Variants in ZNF407 observed in about 807,000 individuals in gnomAD.
ZNF407 encodes zinc finger protein 407.
Under a neutral mutation model 131.2 loss-of-function variants are expected in ZNF407, and 17 were observed. The observed-to-expected ratio is 0.13, with a 90% confidence interval of 0.09 to 0.19. The LOEUF is 0.19. Among genes scored for constraint, ZNF407 ranks in the 10% least tolerant of loss-of-function variants. The probability of loss-of-function intolerance (pLI) is 1.00; values close to 1 mark genes in which losing one functional copy is unlikely to be tolerated. For synonymous variants in ZNF407, 1,156 were observed against 1,062.0 expected (o/e 1.09, Z -1.72); for missense variants, 2,681 against 2,830.6 (o/e 0.95, Z 1.20).
chr18:74,890,059 A>G, intron 7 of ZNF407, 21 bp downstream of exon 7: 1 of 1,503,488 alleles, frequency 6.7e-7, no homozygotes, highest in Non-Finnish European at 8.9e-7. Context: ...ATCACTGAGC[A>G]GTCAAATCAG....
intron 3 of ZNF407, among the ~76,000 whole-genome samples, chr18:74,691,266 C>CA (rs1967215868): frequency 6.6e-6 from 1 of 150,822 alleles, no homozygotes; most frequent in African/African-American, 2.4e-5. Flanking sequence ...GCGACAAGAG[C>CA]AAAACTCTGT....
At chr18:74,999,063 T>C (rs1464269525) in intron 8 of ZNF407, among the ~76,000 whole-genome samples, 14 of 23,496 alleles carry the variant, frequency 6.0e-4, no homozygotes, top group African/African-American at 2.0e-3. Flanking sequence ...ATGGATGAAA[T>C]TGGAAACCAT....
intron 1 of ZNF407, among the ~76,000 whole-genome samples, chr18:74,606,482 T>G (rs991346917): frequency 2.0e-5 from 3 of 152,188 alleles, no homozygotes; most frequent in Non-Finnish European, 2.9e-5. Context: ...ACTCAAGCAA[T>G]GTCTCCTGCC....
intron 1 of ZNF407, among the ~76,000 whole-genome samples, chr18:74,607,600 G>T (rs1982866443): frequency 6.6e-6 from 1 of 152,180 alleles, no homozygotes; most frequent in Non-Finnish European, 1.5e-5. Flanking sequence ...TTTGTGCTGT[G>T]AGGCCCAGTC....
At chr18:75,059,256 A>G (rs1973597085) in intron 8 of ZNF407, among the ~76,000 whole-genome samples, 1 of 152,200 alleles carries the variant, frequency 6.6e-6, no homozygotes, top group African/African-American at 2.4e-5. Flanking sequence ...TACCCAAGAG[A>G]TTTCCTGTCC....
intron 4 of ZNF407, among the ~76,000 whole-genome samples, chr18:74,862,602 T>G (rs1970952833): frequency 6.6e-6 from 1 of 152,250 alleles, no homozygotes. Context: ...TTTATTACTT[T>G]AATACATGAT....
At chr18:74,611,094 G>A (rs117373539) in intron 1 of ZNF407, among the ~76,000 whole-genome samples, 1,591 of 152,236 alleles carry the variant, frequency 0.01, 13 homozygotes, top group Non-Finnish European at 0.017. Context: ...TCCTGAGGGT[G>A]GGGTATGTTT....
intron 4 of ZNF407, among the ~76,000 whole-genome samples, chr18:74,850,752 T>TA (rs1970771061): frequency 6.6e-6 from 1 of 152,224 alleles, no homozygotes; most frequent in Non-Finnish European, 1.5e-5. Flanking sequence ...AGCAGCCCCT[T>TA]ACTTGCTTGA....
At chr18:74,825,431 A>G (rs1004966263) in intron 4 of ZNF407, among the ~76,000 whole-genome samples, 1 of 152,224 alleles carries the variant, frequency 6.6e-6, no homozygotes, top group Non-Finnish European at 1.5e-5. Flanking sequence ...ATGATTGTAT[A>G]TTTAGAAAAC....
In ZNF407 at chr18:74,836,227, C is replaced by T. The variant is rs558849707; in HGVS notation, c.4878-40970C>T. Among the ~76,000 whole-genome samples, 6 of 152,322 alleles carry T rather than the reference C, an allele frequency of 3.9e-5. No homozygotes were observed. The East Asian group carries it at 9.6e-4, about 24-fold the overall frequency. The stretch of plus-strand genomic sequence containing the variant: ...GTAACTCAAAGCCCCTTGGCCACTC[C>T]TCAGCATCTCACACTCTCAGTGATC... On this transcript the variant is annotated intron_variant, in intron 4 of 8. Coordinates refer to ENST00000299687, the MANE Select transcript of ZNF407 (RefSeq NM_017757.3).
At chr18:74,918,869 G>A (rs1971809118) in intron 7 of ZNF407, among the ~76,000 whole-genome samples, 1 of 152,042 alleles carries the variant, frequency 6.6e-6, no homozygotes, top group South Asian at 2.1e-4. Flanking sequence ...AGGCATAGAG[G>A]GATTTGATTT....
At chr18:74,696,150 C>T (rs1967349979) in intron 3 of ZNF407, among the ~76,000 whole-genome samples, 4 of 152,110 alleles carry the variant, frequency 2.6e-5, no homozygotes, top group Admixed American at 2.6e-4. Context: ...TCTCCAAGAA[C>T]GAAAATCTAG....
chr18:74,789,604 T>A (rs1285919145), intron 4 of ZNF407, among the ~76,000 whole-genome samples: 2 of 152,122 alleles, frequency 1.3e-5, no homozygotes, highest in Non-Finnish European at 2.9e-5. Flanking sequence ...GAGAACTCCT[T>A]GGAACTGTAA....
At chr18:74,734,328 A>G (rs1301049713) in intron 3 of ZNF407, among the ~76,000 whole-genome samples, 1 of 152,206 alleles carries the variant, frequency 6.6e-6, no homozygotes, top group Non-Finnish European at 1.5e-5. Context: ...TTGAAAAGGT[A>G]GACCTTGTAC....
At chr18:74,626,781 G>A (rs1983805037) in intron 1 of ZNF407, among the ~76,000 whole-genome samples, 1 of 152,160 alleles carries the variant, frequency 6.6e-6, no homozygotes, top group African/African-American at 2.4e-5. Flanking sequence ...CCCCCACAGA[G>A]CATATTGCAT....
chr18:74,651,199 T>C (rs537293954), intron 3 of ZNF407, among the ~76,000 whole-genome samples: 10 of 152,264 alleles, frequency 6.6e-5, no homozygotes, highest in East Asian at 1.9e-4. Context: ...GTTTTAAAAA[T>C]AGACAAAATT....
chr18:74,747,856 T>A (rs1457633165), intron 3 of ZNF407, among the ~76,000 whole-genome samples: 1 of 152,134 alleles, frequency 6.6e-6, no homozygotes, highest in African/African-American at 2.4e-5. Flanking sequence ...GAGGAGAAAG[T>A]AACAAGATAA....
chr18:74,961,025 G>A (rs990152860), intron 8 of ZNF407, among the ~76,000 whole-genome samples: 1 of 149,718 alleles, frequency 6.7e-6, no homozygotes, highest in South Asian at 2.1e-4. Context: ...GGACTGGGTG[G>A]AGGGATAGGA....
chr18:74,740,356 A>T (rs1039798384), intron 3 of ZNF407, among the ~76,000 whole-genome samples: 1 of 152,188 alleles, frequency 6.6e-6, no homozygotes, highest in African/African-American at 2.4e-5. Context: ...CTTCTGATGT[A>T]TAGATTCTTA....
Sources: gnomAD v4.1 joint callset for allele counts (sites outside exome capture counted in the v4.1 genomes callset) on GRCh38, gnomAD v4.1.1 for gene constraint, MANE v1.5 for transcripts, NCBI Gene and HGNC (gene_info 2026-07-23, HGNC 2026-07-21) for gene names.